CLEC16A: variants seen among roughly 807,000 people sequenced by gnomAD.
The protein encoded by CLEC16A is protein CLEC16A.
In CLEC16A, 51 loss-of-function variants were observed where a neutral mutation model predicts 109.5. The observed-to-expected ratio is 0.47, with a 90% CI of 0.37 to 0.59. The LOEUF (loss-of-function observed/expected upper bound fraction) is 0.59. CLEC16A is among the 20% of genes least tolerant of loss of function. The pLI is 0.00. For synonymous variants in CLEC16A, 673 were observed against 564.2 expected (o/e 1.19, Z -2.73); for missense variants, 1,339 against 1,394.0 (o/e 0.96, Z 0.63).
intron 18 of CLEC16A, among the ~76,000 whole-genome samples, chr16:11,051,905 G>T (rs1352963744): frequency 6.6e-6 from 1 of 152,244 alleles, no homozygotes; most frequent in East Asian, 1.9e-4. Context: ...AGACAGACAA[G>T]CCCTGAGCTC....
chr16:10,947,437 A>C (rs2041446604), intron 1 of CLEC16A, among the ~76,000 whole-genome samples: 1 of 152,176 alleles, frequency 6.6e-6, no homozygotes, highest in African/African-American at 2.4e-5. Flanking sequence ...GTTCTGTGGG[A>C]ACCCTTATTG....
intron 14 of CLEC16A, 188 bp downstream of exon 14, chr16:11,040,064 C>T (rs1385109738): frequency 1.6e-5 from 10 of 613,690 alleles, no homozygotes; most frequent in Non-Finnish European, 2.4e-5. Flanking sequence ...TGTGTCTTAG[C>T]TCTGGGTCTC....
At chr16:11,084,334 G>A (rs1292339627) in intron 19 of CLEC16A, among the ~76,000 whole-genome samples, 1 of 152,046 alleles carries the variant, frequency 6.6e-6, no homozygotes, top group Non-Finnish European at 1.5e-5. Flanking sequence ...TTTTTATGTG[G>A]TTCTTTGGTT....
chr16:10,950,273 T>G (rs1305115130), intron 1 of CLEC16A, among the ~76,000 whole-genome samples: 1 of 152,204 alleles, frequency 6.6e-6, no homozygotes, highest in African/African-American at 2.4e-5. Flanking sequence ...CTGTATGGCT[T>G]GTTCAGCTGG....
At chr16:11,163,068 T>G (rs1253361564) in intron 22 of CLEC16A, among the ~76,000 whole-genome samples, 1 of 152,210 alleles carries the variant, frequency 6.6e-6, no homozygotes, top group Non-Finnish European at 1.5e-5. Flanking sequence ...TGCACCTACT[T>G]CGCAGCCCAA....
Position 11,179,546 on chromosome 16 carries a change from C to T in CLEC16A, c.*856C>T, listed in dbSNP as rs2068894204. On this transcript the variant is annotated 3_prime_UTR_variant, in exon 24 of 24. Coordinates refer to ENST00000409790, the MANE Select transcript of CLEC16A (RefSeq NM_015226.3). ...AAAAGGAGGAATGTAGCCAGCTCCC[C>T]ACTCAGGACGCTTCCTCATTTCTCT... 1 of 152,218 alleles carries T rather than the reference C, an allele frequency of 6.6e-6. No individual in the cohort carries two copies. 9.4% of individuals were successfully genotyped at this position (152,218 alleles called of 1,614,324 possible).
chr16:11,154,627 G>A (rs528945161), intron 22 of CLEC16A, among the ~76,000 whole-genome samples: 18 of 152,202 alleles, frequency 1.2e-4, no homozygotes, highest in African/African-American at 4.1e-4. Context: ...AGACACTTAC[G>A]AAAATGAAAG....
intron 22 of CLEC16A, among the ~76,000 whole-genome samples, chr16:11,157,852 C>A (rs1363210400): frequency 1.3e-5 from 2 of 152,162 alleles, no homozygotes. Flanking sequence ...TAGCCCCCCA[C>A]TGAGTAGCTC....
chr16:11,162,269 A>C (rs2054749432), intron 22 of CLEC16A, among the ~76,000 whole-genome samples: 1 of 151,940 alleles, frequency 6.6e-6, no homozygotes, highest in Admixed American at 6.5e-5. Context: ...CCATGGGCAT[A>C]GTTTCCCCCC....
chr16:11,089,144 A>T (rs1254752984), intron 19 of CLEC16A, among the ~76,000 whole-genome samples: 2 of 151,800 alleles, frequency 1.3e-5, no homozygotes, highest in Non-Finnish European at 2.9e-5. Context: ...CACCACGGTC[A>T]CTCCAGCCCA....
intron 23 of CLEC16A, among the ~76,000 whole-genome samples, chr16:11,170,529 G>C (rs2068464921): frequency 6.6e-6 from 1 of 152,132 alleles, no homozygotes; most frequent in African/African-American, 2.4e-5. Context: ...CCTCAGCCTG[G>C]CTCCCAGGAT....
chr16:11,027,620 C>T (rs2152819565), intron 13 of CLEC16A: 1 of 1,558,242 alleles, frequency 6.4e-7, no homozygotes, highest in Non-Finnish European at 8.7e-7. Context: ...GGAAGCATTT[C>T]CAGGAGATCT....
chr16:11,064,371 G>A (rs531904681), intron 19 of CLEC16A, among the ~76,000 whole-genome samples: 37 of 152,214 alleles, frequency 2.4e-4, no homozygotes, highest in Admixed American at 7.9e-4. Context: ...ATGTGCTGCC[G>A]CCCGGGTCTT....
chr16:11,066,331 T>G (rs2048754349), intron 19 of CLEC16A, among the ~76,000 whole-genome samples: 1 of 151,984 alleles, frequency 6.6e-6, no homozygotes. Context: ...TGTGACAGTT[T>G]GCAGTGGCGA....
chr16:11,092,414 G>A (rs923823786), intron 19 of CLEC16A, among the ~76,000 whole-genome samples: 3 of 137,492 alleles, frequency 2.2e-5, no homozygotes, highest in Non-Finnish European at 3.3e-5. Context: ...GCCAGGTGTG[G>A]TGGTGGGAGC....
chr16:11,085,286 A>T (rs1250040071), intron 19 of CLEC16A, among the ~76,000 whole-genome samples: 1 of 152,256 alleles, frequency 6.6e-6, no homozygotes, highest in Non-Finnish European at 1.5e-5. Context: ...ACAGGCCTTA[A>T]TTGGATGGTC....
chr16:11,155,261 C>T (rs1225330382), intron 22 of CLEC16A, among the ~76,000 whole-genome samples: 2 of 151,992 alleles, frequency 1.3e-5, no homozygotes, highest in African/African-American at 4.8e-5. Context: ...TCCTCACGAA[C>T]CCTGTAAGGT....
Position 10,986,900 on chromosome 16 carries a change from C to CTGG in CLEC16A, c.1071+3910_1071+3912dup, listed in dbSNP as rs1319377156. Among the ~76,000 whole-genome samples, 3 of 151,940 alleles carry CTGG rather than the reference C, an allele frequency of 2.0e-5. No homozygotes were observed. In the East Asian group the frequency reaches 5.8e-4, roughly 29 times the overall value. ...ACAGAGTCTGGCTCTGTCGCCCAGG[C>CTGG]TGGAGTACAGTAGCGTGATCTCGGC... On this transcript the variant is annotated intron_variant, in intron 10 of 23. Coordinates refer to ENST00000409790, the MANE Select transcript of CLEC16A (RefSeq NM_015226.3).
chr16:11,008,904 CAGG>C (rs1456247288), intron 11 of CLEC16A, among the ~76,000 whole-genome samples: 10 of 151,314 alleles, frequency 6.6e-5, no homozygotes, highest in African/African-American at 2.4e-4. Flanking sequence ...GAGGCTGAGG[CAGG>C]AGAATGGCGT....
Sources: allele counts gnomAD v4.1 joint callset (sites outside exome capture counted in the v4.1 genomes callset), GRCh38; gene constraint gnomAD v4.1.1; transcripts MANE v1.5; gene names NCBI Gene and HGNC (gene_info 2026-07-23, HGNC 2026-07-21).